Variants in MYO10 observed in about 807,000 individuals in gnomAD.
MYO10 encodes the protein myosin X, also known as unconventional myosin-X.
In MYO10, 133 loss-of-function variants were observed where a neutral mutation model predicts 257.3. That is an observed-to-expected ratio of 0.52 (90% CI 0.45 to 0.60). The LOEUF (loss-of-function observed/expected upper bound fraction) is 0.60. Ranked by LOEUF, MYO10 falls within the 20% of genes least tolerant of loss-of-function variation. MYO10 has a pLI of 0.00. For synonymous variants in MYO10, 1,104 were observed against 1,028.6 expected, an observed-to-expected ratio of 1.07 and a Z score of -1.40; for missense variants, 2,399 against 2,635.7, an observed-to-expected ratio of 0.91 and a Z score of 1.97.
At chr5:16,668,020 TTCC>T (rs1736255976) in intron 40 of MYO10, among the ~76,000 whole-genome samples, 1 of 152,154 alleles carries the variant, frequency 6.6e-6, no homozygotes, top group Non-Finnish European at 1.5e-5. Flanking sequence ...TTCTCTGCCT[TTCC>T]TCCAAGGGTA....
In MYO10 at chr5:16,763,656, G is replaced by T; in HGVS notation, c.1426C>A (p.Arg476=). The T allele has an allele frequency of 6.2e-7, 1 of 1,600,890 alleles. No individual in the cohort carries two copies. The highest frequency in any genetic ancestry group is 8.6e-7 in the Non-Finnish European group (1 of 1,168,764). ...AAATGGAATTCTATGAGTGCTTACC[G>T]GCTATATTCTAGTTGTTCTAAAGAA... ...IFSLEQLEYS[R]EGLVWEDIDW... Residue 476 remains arginine (R), a splice_region_variant and synonymous_variant, in exon 13 of 41, where the codon CGG becomes AGG. Transcript: ENST00000513610.
intron 18 of MYO10, among the ~76,000 whole-genome samples, chr5:16,756,425 A>G (rs887592996): frequency 6.6e-6 from 1 of 152,110 alleles, no homozygotes; most frequent in African/African-American, 2.4e-5. Flanking sequence ...CATTCATTGT[A>G]ATTGGTGGAT....
At chr5:16,702,900 C>G in intron 23 of MYO10, 25 bp downstream of exon 23, 1 of 1,538,296 alleles carries the variant, frequency 6.5e-7, no homozygotes, top group Non-Finnish European at 8.8e-7. Context: ...CCATTTGTTT[C>G]ATCCCAGCAA....
In MYO10 at chr5:16,703,167, G is replaced by T. The variant is rs770590491; in HGVS notation, c.2277-9C>A. 42 of 1,569,636 alleles carry T rather than the reference G, an allele frequency of 2.7e-5. No homozygotes were observed. In the Admixed American group the frequency reaches 4.9e-4, roughly 18 times the overall value. ...CCTTTCTGTATTGTTTTCTGAAAAT[G>T]AAAGAAAACAAGAGAATCGGCATTG... On this transcript the variant is annotated splice_polypyrimidine_tract_variant and intron_variant, in intron 22 of 40. Coordinates refer to ENST00000513610, the MANE Select transcript of MYO10 (RefSeq NM_012334.3).
chr5:16,819,649 T>G (rs979618126), intron 2 of MYO10, among the ~76,000 whole-genome samples: 27 of 152,214 alleles, frequency 1.8e-4, no homozygotes, highest in African/African-American at 6.3e-4. Context: ...CAAAACAATT[T>G]TCTGCAATCA....
At chr5:16,742,673 T>C (rs1033504761) in intron 19 of MYO10, among the ~76,000 whole-genome samples, 1 of 151,464 alleles carries the variant, frequency 6.6e-6, no homozygotes, top group African/African-American at 2.4e-5. Flanking sequence ...TAGCCAGGCA[T>C]GGTGGTGGGT....
Position 16,924,830 on chromosome 5 carries a change from C to CTTT in MYO10, c.21+10955_21+10957dup, listed in dbSNP as rs35010705. 9.8e-3 allele frequency among the ~76,000 whole-genome samples: 1,222 copies of CTTT among 124,316 alleles called. 76 individuals carry two copies. The highest frequency in any genetic ancestry group is 0.03 in the African/African-American group (978 of 32,556). 81.6% of individuals were successfully genotyped at this position (124,316 alleles called of 152,430 possible). ...TTTGGTATCAACTATCACTTTATCACTTTTTTTTTTTTTTTTTTGAGACAG... is the reference window on the plus strand; with the variant it reads ...TTTGGTATCAACTATCACTTTATCACTTTTTTTTTTTTTTTTTTTTTGAGACAG... On this transcript the variant is annotated intron_variant, in intron 1 of 40. Coordinates refer to ENST00000513610, the MANE Select transcript of MYO10 (RefSeq NM_012334.3).
intron 2 of MYO10, among the ~76,000 whole-genome samples, chr5:16,858,561 TA>T (rs1472032301): frequency 6.6e-6 from 1 of 152,174 alleles, no homozygotes; most frequent in Non-Finnish European, 1.5e-5. Flanking sequence ...TCCTCCGAGG[TA>T]ACCATTTAGT....
At chr5:16,912,403 C>T (rs914508290) in intron 1 of MYO10, among the ~76,000 whole-genome samples, 3 of 152,166 alleles carry the variant, frequency 2.0e-5, no homozygotes, top group African/African-American at 4.8e-5. Flanking sequence ...CTATGGCACA[C>T]GACCTAACTC....
chr5:16,719,451 T>C (rs1009739138), intron 19 of MYO10, among the ~76,000 whole-genome samples: 2 of 152,218 alleles, frequency 1.3e-5, no homozygotes, highest in Admixed American at 6.5e-5. Context: ...GCCCTGCATG[T>C]GACAACGTAT....
At chr5:16,715,012 T>C (rs1738787189) in intron 19 of MYO10, among the ~76,000 whole-genome samples, 1 of 152,136 alleles carries the variant, frequency 6.6e-6, no homozygotes, top group Non-Finnish European at 1.5e-5. Context: ...CTTGAGAGGA[T>C]GGATACCCCA....
At position 16,781,811 on chromosome 5, in the gene MYO10, G is replaced by A. The variant is rs749814929; in HGVS notation, c.621C>T (p.Phe207=). Reference sequence around the variant, plus strand: ...TGTTGTACACGGTCTTCGCATTGCCGAAAGCTTCCATGATGGGGCTGTGAA... The same window carrying A: ...TGTTGTACACGGTCTTCGCATTGCCAAAAGCTTCCATGATGGGGCTGTGAA... ...ILESSPIMEA[F]GNAKTVYNNN... The change falls in exon 6 of 41, where the codon TTC becomes TTT. Residue 207 remains phenylalanine, a synonymous_variant. Coordinates refer to ENST00000513610, the MANE Select transcript of MYO10 (RefSeq NM_012334.3). 3.4e-5 allele frequency: 55 copies of A among 1,613,812 alleles called. 1 individual carries two copies. The highest frequency in any genetic ancestry group is 1.2e-4 in the South Asian group (11 of 91,074).
intron 1 of MYO10, among the ~76,000 whole-genome samples, chr5:16,922,213 C>CAA (rs370180899): frequency 3.2e-5 from 4 of 126,016 alleles, no homozygotes; most frequent in African/African-American, 9.1e-5. Context: ...GACTCCGTCT[C>CAA]AAAAAAAAAA....
chr5:16,885,517 C>T (rs1235366295), intron 1 of MYO10, among the ~76,000 whole-genome samples: 1 of 151,864 alleles, frequency 6.6e-6, no homozygotes, highest in Non-Finnish European at 1.5e-5. Context: ...ACTAAAAATG[C>T]AAAAAATTAG....
At chr5:16,690,390 G>A (rs1363803748) in intron 27 of MYO10, among the ~76,000 whole-genome samples, 5 of 152,150 alleles carry the variant, frequency 3.3e-5, no homozygotes, top group African/African-American at 9.6e-5. Flanking sequence ...GACCTACAAT[G>A]GTTTTTCTTT....
chr5:16,713,938 C>A (rs1295127631), intron 19 of MYO10, among the ~76,000 whole-genome samples: 2 of 152,092 alleles, frequency 1.3e-5, no homozygotes, highest in South Asian at 4.2e-4. Flanking sequence ...GTCTCGATGG[C>A]GACAAATAGG....
In MYO10 at chr5:16,851,779, G is replaced by A. The variant is rs556981163; in HGVS notation, c.120+25830C>T. ...TTGAAGAAAGACTTAATGGCCGGGC[G>A]TGGTGGCTCATGCCTGTAATCCCAG... On this transcript the variant is annotated intron_variant, in intron 2 of 40. Coordinates refer to ENST00000513610, the MANE Select transcript of MYO10 (RefSeq NM_012334.3). 8.5e-5 allele frequency among the ~76,000 whole-genome samples: 13 copies of A among 152,208 alleles called. No individual in the cohort carries two copies. In the South Asian group the frequency reaches 1.2e-3, roughly 15 times the overall value.
intron 1 of MYO10, among the ~76,000 whole-genome samples, chr5:16,881,271 T>C (rs1333955618): frequency 6.6e-6 from 1 of 152,250 alleles, no homozygotes; most frequent in Non-Finnish European, 1.5e-5. Context: ...AGGATTAATA[T>C]GTACCCTTTT....
intron 17 of MYO10, among the ~76,000 whole-genome samples, chr5:16,759,834 A>G (rs1740650707): frequency 6.6e-6 from 1 of 152,216 alleles, no homozygotes; most frequent in Admixed American, 6.5e-5. Flanking sequence ...AAAATAGCTA[A>G]CAATGTTGTA....
Sources: gnomAD v4.1 joint callset for allele counts (sites outside exome capture counted in the v4.1 genomes callset) on GRCh38, gnomAD v4.1.1 for gene constraint, MANE v1.5 for transcripts, NCBI Gene and HGNC (gene_info 2026-07-23, HGNC 2026-07-21) for gene names.